The following PCDHA7 variants were observed in gnomAD, a reference collection of about 807,000 sequenced individuals.
PCDHA7 encodes protocadherin alpha 7.
PCDHA7 carries 37 observed loss-of-function variants against 57.2 expected under a neutral mutation model. That is an observed-to-expected ratio of 0.65 (90% CI 0.50 to 0.85). The LOEUF is 0.85. Among genes scored for constraint, PCDHA7 ranks in the 40% least tolerant of loss-of-function variants. The pLI, the probability that PCDHA7 is intolerant of heterozygous loss-of-function variation, is 0.00. For synonymous variants in PCDHA7, 553 were observed against 558.8 expected, an observed-to-expected ratio of 0.99 and a Z score of 0.15; for missense variants, 1,188 against 1,241.8, an observed-to-expected ratio of 0.96 and a Z score of 0.65.
At chr5:140,908,529 T>C (rs1250814293) in intron 1 of PCDHA7, among the ~76,000 whole-genome samples, 1 of 152,178 alleles carries the variant, frequency 6.6e-6, no homozygotes, top group Non-Finnish European at 1.5e-5. Flanking sequence ...AAATGTTCAG[T>C]TTCCACCAAA....
At chr5:140,870,692 T>C (rs1321391908) in intron 1 of PCDHA7, 2 of 1,612,828 alleles carry the variant, frequency 1.2e-6, no homozygotes, top group African/African-American at 1.3e-5. Flanking sequence ...CTGGAGCTGC[T>C]ACAGTTCCAG....
Position 140,869,318 on chromosome 5 carries a change from G to C in PCDHA7, c.2355+32580G>C, listed in dbSNP as rs1373742506. ...TTCCGGGTGGCGTCCAAAACACATG[G>C]GGACCTTCTGGAGGTAAATCTGCAG... On this transcript the variant is annotated intron_variant, in intron 1 of 3. Coordinates refer to ENST00000525929, the MANE Select transcript of PCDHA7 (RefSeq NM_018910.3). 3 of 1,613,688 alleles carry C rather than the reference G, an allele frequency of 1.9e-6. No individual in the cohort carries two copies. Among genetic ancestry groups the C allele is most frequent in the Non-Finnish European group, 2.5e-6 (3 of 1,180,020 alleles).
At chr5:140,975,610 C>T (rs1412581927) in intron 1 of PCDHA7, among the ~76,000 whole-genome samples, 5 of 152,160 alleles carry the variant, frequency 3.3e-5, no homozygotes, top group Non-Finnish European at 7.4e-5. Flanking sequence ...TGATGTCTTC[C>T]ACATGGATTT....
At chr5:140,872,306 G>A (rs897321353) in intron 1 of PCDHA7, among the ~76,000 whole-genome samples, 4 of 151,928 alleles carry the variant, frequency 2.6e-5, no homozygotes, top group African/African-American at 9.7e-5. Context: ...CTTATATGCT[G>A]CTTTATGGAA....
intron 1 of PCDHA7, among the ~76,000 whole-genome samples, chr5:140,838,075 ATAGTGTGTGTGTGTGTGTGTGTGTGTGT>A (rs1454166175): frequency 1.6e-5 from 2 of 128,136 alleles, no homozygotes; most frequent in Non-Finnish European, 3.3e-5. Flanking sequence ...TTATATATAT[ATAGTGTGTGTGTGTGTGTGTGTGTGTGT>A]GTGTGTGTGT....
At chr5:140,993,364 T>G (rs1285844193) in intron 3 of PCDHA7, among the ~76,000 whole-genome samples, 1 of 151,930 alleles carries the variant, frequency 6.6e-6, no homozygotes, top group Non-Finnish European at 1.5e-5. Flanking sequence ...TCACAAAAAC[T>G]ACCTCCCAGC....
chr5:140,863,274 G>A, intron 1 of PCDHA7: 1 of 1,461,698 alleles, frequency 6.8e-7, no homozygotes. Flanking sequence ...CAGCGCTGGT[G>A]GATGTCAACG....
rs2150490621 is a variant in PCDHA7 at position 140,850,594 on chromosome 5, T to C, written c.2355+13856T>C. The C allele has an allele frequency of 2.5e-6, 4 of 1,598,338 alleles. No individual in the cohort carries two copies. In the East Asian group the frequency reaches 8.9e-5, roughly 36 times the overall value. The stretch of plus-strand genomic sequence containing the variant: ...ACGCTGGTGGATGTCAACGTGTACC[T>C]GATCATCGCCATCTGCGCGGTGTCT... On this transcript the variant is annotated intron_variant, in intron 1 of 3. Coordinates refer to ENST00000525929, the MANE Select transcript of PCDHA7 (RefSeq NM_018910.3).
intron 1 of PCDHA7, chr5:140,882,793 C>T (rs1176435531): frequency 1.9e-6 from 3 of 1,614,210 alleles, no homozygotes; most frequent in Non-Finnish European, 2.5e-6. Context: ...TGGATCCCAA[C>T]GATTATTTCA....
At chr5:140,999,877 G>C (rs1194481133) in intron 3 of PCDHA7, among the ~76,000 whole-genome samples, 1 of 152,152 alleles carries the variant, frequency 6.6e-6, no homozygotes, top group Non-Finnish European at 1.5e-5. Flanking sequence ...CTGAAAATTA[G>C]CCCAGCTGTA....
intron 1 of PCDHA7, chr5:140,856,124 G>A (rs2043793970): frequency 6.3e-7 from 1 of 1,598,042 alleles, no homozygotes; most frequent in African/African-American, 1.3e-5. Context: ...CTGGGAGGTG[G>A]GGAGCGGCCA....
rs782681619 is a variant in PCDHA7, at chr5:141,009,600, A to G, written c.2504-27A>G. On this transcript the variant is annotated intron_variant, in intron 3 of 3. Coordinates refer to ENST00000525929, the MANE Select transcript of PCDHA7 (RefSeq NM_018910.3). ...ATCAAGAGCATGTGTTGACCCTGTT[A>G]ATGATTTGTAATGTTTTGTCTTTCA... The G allele has an allele frequency of 1.9e-6, 3 of 1,607,002 alleles. No individual in the cohort carries two copies. In the Admixed American group the frequency reaches 5.0e-5, roughly 27 times the overall value.
Position 140,834,378 on chromosome 5 carries a change from T to C in PCDHA7, c.-6T>C. ...GCTGACTAGAAAAACAAGCCAATAA[T>C]TTGAAATGGTGTGCCCGAATGGATA... is the stretch of plus-strand genomic sequence containing the variant. On this transcript the variant is annotated 5_prime_UTR_variant, in exon 1 of 4. Transcript: ENST00000525929. The C allele has an allele frequency of 6.4e-7, 1 of 1,562,858 alleles. No individual in the cohort carries two copies. The highest frequency in any genetic ancestry group is 8.7e-7 in the Non-Finnish European group (1 of 1,155,908).
chr5:140,927,513 C>G, intron 1 of PCDHA7: 1 of 1,614,062 alleles, frequency 6.2e-7, no homozygotes, highest in Non-Finnish European at 8.5e-7. Context: ...CAGCTCGGGA[C>G]GGCGGGCTAC....
At position 140,835,289 on chromosome 5, in the gene PCDHA7, C is replaced by T; in HGVS notation, c.906C>T (p.Ile302=). The part of the protein sequence containing the change: ...KFHMDPLSGA[I]TVIGHMDFEE... ...ACATGGACCCCTTAAGTGGGGCAAT[C>T]ACAGTGATAGGACATATGGATTTTG... Residue 302 remains isoleucine, a synonymous_variant, in exon 1 of 4, where the codon ATC becomes ATT. Transcript: ENST00000525929. 1 of 1,612,382 alleles carries T rather than the reference C, an allele frequency of 6.2e-7. No individual in the cohort carries two copies. The highest frequency in any genetic ancestry group is 8.5e-7 in the Non-Finnish European group (1 of 1,179,408).
At chr5:140,902,905 G>A (rs933013740) in intron 1 of PCDHA7, among the ~76,000 whole-genome samples, 3 of 152,174 alleles carry the variant, frequency 2.0e-5, no homozygotes, top group Admixed American at 6.5e-5. Flanking sequence ...TTTAGTTTAT[G>A]GCTGAGTAGT....
chr5:140,869,580 T>C (rs1325973038), intron 1 of PCDHA7: 4 of 1,614,046 alleles, frequency 2.5e-6, no homozygotes, highest in Non-Finnish European at 3.4e-6. Flanking sequence ...GAGCTTCTGA[T>C]GCTGACATTG....
In PCDHA7 at chr5:140,882,900, T is replaced by C. The variant is rs151159619; in HGVS notation, c.2355+46162T>C. 8.7e-6 allele frequency: 14 copies of C among 1,614,106 alleles called. No individual in the cohort carries two copies. In the African/African-American group the frequency reaches 1.2e-4, roughly 14 times the overall value. The stretch of plus-strand genomic sequence containing the variant: ...GAGGAAATTCAGGAACATAGTTTAT[T>C]ACTGACAGCCAGTGATGGAGGTAAA... On this transcript the variant is annotated intron_variant, in intron 1 of 3. Transcript: ENST00000525929.
At chr5:140,863,381 G>T in intron 1 of PCDHA7, 1 of 1,058,634 alleles carries the variant, frequency 9.4e-7, no homozygotes, top group Non-Finnish European at 1.4e-6. Flanking sequence ...CTCACCGAGA[G>T]CTCGTGCATG....
Sources: gnomAD v4.1 joint callset for allele counts (sites outside exome capture counted in the v4.1 genomes callset) on GRCh38, gnomAD v4.1.1 for gene constraint, MANE v1.5 for transcripts, NCBI Gene and HGNC (gene_info 2026-07-23, HGNC 2026-07-21) for gene names.